The following BICD1 variants were observed in gnomAD, a reference collection of about 807,000 sequenced individuals.
The protein encoded by BICD1 is BICD cargo adaptor 1.
A neutral mutation model predicts 92.5 loss-of-function variants in BICD1; 35 were observed. The observed-to-expected ratio is 0.38, with a 90% CI of 0.29 to 0.50. BICD1 has a LOEUF of 0.50. Ranked by LOEUF, BICD1 falls within the 20% of genes least tolerant of loss-of-function variation. BICD1 has a pLI of 0.93. For synonymous variants in BICD1, 429 were observed against 465.1 expected, an observed-to-expected ratio of 0.92 and a Z score of 1.00; for missense variants, 950 against 1,189.8, an observed-to-expected ratio of 0.80 and a Z score of 2.97.
intron 1 of BICD1, among the ~76,000 whole-genome samples, chr12:32,123,634 T>G (rs1355434859): frequency 6.6e-6 from 1 of 152,136 alleles, no homozygotes; most frequent in African/African-American, 2.4e-5. Flanking sequence ...CCCAGCAGTT[T>G]GGGAGGCTGA....
chr12:32,276,698 A>G (rs1284255728), intron 2 of BICD1, among the ~76,000 whole-genome samples: 5 of 152,196 alleles, frequency 3.3e-5, no homozygotes, highest in Non-Finnish European at 7.3e-5. Flanking sequence ...GAATCTTCAA[A>G]TGGCTATTGA....
chr12:32,282,309 C>T (rs1947439667), intron 2 of BICD1, among the ~76,000 whole-genome samples: 5 of 148,364 alleles, frequency 3.4e-5, no homozygotes, highest in Non-Finnish European at 7.4e-5. Flanking sequence ...TAGCCTCCAC[C>T]TCCTGGACTC....
chr12:32,356,838 A>G (rs1939131490), intron 8 of BICD1, among the ~76,000 whole-genome samples: 1 of 152,116 alleles, frequency 6.6e-6, no homozygotes. Flanking sequence ...CAACTTTTCT[A>G]TCTCCACGTC....
At chr12:32,294,416 A>C (rs1287156096) in intron 3 of BICD1, among the ~76,000 whole-genome samples, 1 of 152,160 alleles carries the variant, frequency 6.6e-6, no homozygotes, top group Non-Finnish European at 1.5e-5. Flanking sequence ...TTATTTCATA[A>C]GTCAAATGTA....
chr12:32,237,641 G>A (rs1469678827), intron 2 of BICD1, among the ~76,000 whole-genome samples: 3 of 152,114 alleles, frequency 2.0e-5, no homozygotes, highest in South Asian at 2.1e-4. Context: ...GATACTAAAT[G>A]TACTCTACTT....
Position 32,328,567 on chromosome 12 carries a change from C to T in BICD1, c.2100+12C>T, listed in dbSNP as rs202126956. ...AAGCCAACAAGCAGGTAATCTCATT[C>T]TACTGGTGAAAGCATGCCAGTCAAA... is the stretch of plus-strand genomic sequence containing the variant. On this transcript the variant is annotated intron_variant, in intron 5 of 9. Coordinates refer to ENST00000652176, the MANE Select transcript of BICD1 (RefSeq NM_001714.4). This position sits in a 1 kb window ranked among gnomAD's most constrained non-coding sequence, Gnocchi z 4.4. The T allele has an allele frequency of 5.6e-6, 9 of 1,603,124 alleles. No homozygotes were observed. The highest frequency in any genetic ancestry group is 2.2e-5 in the East Asian group (1 of 44,686).
In BICD1 at chr12:32,338,953, A is replaced by C. The variant is rs1379843185; in HGVS notation, c.2738A>C (p.Glu913Ala). 1.3e-6 allele frequency: 2 copies of C among 1,599,368 alleles called. No homozygotes were observed. The highest frequency in any genetic ancestry group is 2.7e-5 in the African/African-American group (2 of 73,964). Residue 913 changes from glutamate to alanine, a missense_variant, in exon 8 of 10, where the codon GAA becomes GCA. Glu to Ala is a moderately radical substitution (Grantham distance 107). Around this residue, in one of 5 missense-constraint regions of BICD1, gnomAD observed 179 missense variants for 186.7 expected, o/e 0.96. Transcript: ENST00000652176. ...EFIQGHRLSK[E>A]KRLTVAPPDC... ...ATCCAAGGGCACCGGCTCAGCAAGG[A>C]AAAAAGGTTAACCGTGGCTCCACCA...
chr12:32,333,011 CTG>C (rs1001871785), intron 5 of BICD1: 2 of 985,236 alleles, frequency 2.0e-6, no homozygotes, highest in African/African-American at 3.5e-5. Flanking sequence ...ACAAACAAAA[CTG>C]AGGCTTTGGG....
At chr12:32,232,438 T>G (rs1041771342) in intron 2 of BICD1, among the ~76,000 whole-genome samples, 10 of 152,098 alleles carry the variant, frequency 6.6e-5, no homozygotes, top group East Asian at 1.9e-4. Context: ...TGGGGTTGTT[T>G]GTTTTTTTCT....
chr12:32,184,164 A>G (rs1007796721), intron 1 of BICD1, among the ~76,000 whole-genome samples: 4 of 152,308 alleles, frequency 2.6e-5, no homozygotes, highest in Middle Eastern at 6.8e-3. Context: ...CAAGGTATCA[A>G]TTTAGTGTCT....
intron 1 of BICD1, among the ~76,000 whole-genome samples, chr12:32,117,371 G>T (rs534681779): frequency 6.6e-6 from 1 of 152,092 alleles, no homozygotes; most frequent in Admixed American, 6.6e-5. Flanking sequence ...TTCCAACATG[G>T]TTAAATTGTT....
chr12:32,170,760 G>A (rs1433779613), intron 1 of BICD1, among the ~76,000 whole-genome samples: 1 of 152,110 alleles, frequency 6.6e-6, no homozygotes, highest in Non-Finnish European at 1.5e-5. Context: ...TCTCAACCAG[G>A]GAGACATTTG....
chr12:32,153,844 T>C (rs1592384244), intron 1 of BICD1, among the ~76,000 whole-genome samples: 1 of 150,844 alleles, frequency 6.6e-6, no homozygotes, highest in Non-Finnish European at 1.5e-5. Flanking sequence ...ATATAATATA[T>C]ATGTAATAAA....
At chr12:32,215,725 G>A (rs754352125) in intron 1 of BICD1, among the ~76,000 whole-genome samples, 1 of 151,900 alleles carries the variant, frequency 6.6e-6, no homozygotes, top group Non-Finnish European at 1.5e-5. Context: ...TGAGACGGGC[G>A]GATCACAAGG....
At chr12:32,221,508 C>G (rs956562313) in intron 2 of BICD1, among the ~76,000 whole-genome samples, 6 of 151,544 alleles carry the variant, frequency 4.0e-5, no homozygotes, top group Admixed American at 2.0e-4. Context: ...ATGGTGAAAT[C>G]CCGTCTCTAC....
chr12:32,364,482 A>G (rs561582253), intron 8 of BICD1, among the ~76,000 whole-genome samples: 83 of 152,284 alleles, frequency 5.5e-4, no homozygotes, highest in Non-Finnish European at 1.1e-3. Flanking sequence ...AATTGACACA[A>G]CTGGAGGGCT....
rs1423345296 is a variant in BICD1, at chr12:32,305,689, T to C, written c.580-8T>C. 2 of 1,596,688 alleles carry C rather than the reference T, an allele frequency of 1.3e-6. No homozygotes were observed. The highest frequency in any genetic ancestry group is 2.2e-5 in the East Asian group (1 of 44,748). ...TTTTATGAATCTTCTTTATCCTGTCTGATTCAGGTTGAATACGAAGGCTTA... is the reference window on the plus strand; with the variant it reads ...TTTTATGAATCTTCTTTATCCTGTCCGATTCAGGTTGAATACGAAGGCTTA... On this transcript the variant is annotated splice_region_variant and splice_polypyrimidine_tract_variant and intron_variant, in intron 3 of 9. Coordinates refer to ENST00000652176, the MANE Select transcript of BICD1 (RefSeq NM_001714.4).
At chr12:32,218,939 A>T (rs1387382215) in intron 2 of BICD1, among the ~76,000 whole-genome samples, 1 of 152,190 alleles carries the variant, frequency 6.6e-6, no homozygotes, top group East Asian at 1.9e-4. Context: ...AATAGGAATA[A>T]ATTCTATTTT....
At chr12:32,150,134 T>A (rs915512476) in intron 1 of BICD1, among the ~76,000 whole-genome samples, 2 of 152,096 alleles carry the variant, frequency 1.3e-5, no homozygotes, top group Admixed American at 6.6e-5. Context: ...GAAAGACCTG[T>A]CCCCATGATT....
Sources: allele counts gnomAD v4.1 joint callset (sites outside exome capture counted in the v4.1 genomes callset), GRCh38; gene constraint gnomAD v4.1.1; regional missense constraint gnomAD v4.1.1; non-coding constraint Gnocchi (gnomAD v3.1); transcripts MANE v1.5; gene names NCBI Gene and HGNC (gene_info 2026-07-23, HGNC 2026-07-21).